PREX1: variants seen among roughly 807,000 people sequenced by gnomAD.
PREX1 encodes the protein phosphatidylinositol-3,4,5-trisphosphate dependent Rac exchange factor 1, also known as phosphatidylinositol 3,4,5-trisphosphate-dependent Rac exchanger 1 protein.
Under a neutral mutation model 198.3 loss-of-function variants are expected in PREX1, and 41 were observed. The ratio of observed to expected loss-of-function variants is 0.21; its 90% confidence interval spans 0.16 to 0.27. The LOEUF (loss-of-function observed/expected upper bound fraction) is 0.27. Ranked by LOEUF, PREX1 falls within the 10% of genes least tolerant of loss-of-function variation. PREX1 has a pLI of 1.00. For synonymous variants in PREX1, 843 were observed against 887.2 expected, an observed-to-expected ratio of 0.95 and a Z score of 0.89; for missense variants, 1,620 against 2,200.7, an observed-to-expected ratio of 0.74 and a Z score of 5.28.
At chr20:48,750,244 C>A (rs781652257) in intron 1 of PREX1, among the ~76,000 whole-genome samples, 2 of 152,152 alleles carry the variant, frequency 1.3e-5, no homozygotes, top group African/African-American at 2.4e-5. Context: ...CCAGTCCAAG[C>A]CATCATCATC....
intron 5 of PREX1, among the ~76,000 whole-genome samples, chr20:48,719,380 G>C (rs569706599): frequency 6.6e-6 from 1 of 152,184 alleles, no homozygotes; most frequent in African/African-American, 2.4e-5. Flanking sequence ...AGCACAGGCT[G>C]ACACAGGTTG....
At chr20:48,883,460 T>C in the PREX1 span, among the ~76,000 whole-genome samples, 1 of 152,088 alleles carries the variant, frequency 6.6e-6, no homozygotes. Flanking sequence ...AAAATTTTAT[T>C]CTACTTTCAG....
intron 1 of PREX1, among the ~76,000 whole-genome samples, chr20:48,804,781 T>G (rs1434403440): frequency 6.6e-6 from 1 of 152,084 alleles, no homozygotes; most frequent in Non-Finnish European, 1.5e-5. Context: ...TTGTCCAAGT[T>G]GGAGCTGACA....
chr20:48,787,979 G>C (rs549252640), intron 1 of PREX1, among the ~76,000 whole-genome samples: 21 of 152,330 alleles, frequency 1.4e-4, no homozygotes, highest in Non-Finnish European at 2.5e-4. Flanking sequence ...GAAAACTGCC[G>C]ATGTGGGAGC....
intron 23 of PREX1, among the ~76,000 whole-genome samples, chr20:48,650,563 G>A (rs1374558961): frequency 6.6e-6 from 1 of 152,238 alleles, no homozygotes; most frequent in Non-Finnish European, 1.5e-5. Context: ...AGTGACCTAA[G>A]CCAAGCCAAC....
intron 20 of PREX1, 91 bp downstream of exon 20, chr20:48,653,270 G>A: frequency 6.5e-7 from 1 of 1,533,498 alleles, no homozygotes; most frequent in Non-Finnish European, 8.8e-7. Flanking sequence ...AGTGGTACAT[G>A]CAGGCTTTTC....
At chr20:48,887,771 C>T in the PREX1 span, among the ~76,000 whole-genome samples, 1 of 152,176 alleles carries the variant, frequency 6.6e-6, no homozygotes. Context: ...ACAGCGAAAC[C>T]CCGTCTCTAC....
chr20:48,690,547 C>T (rs940011352), intron 9 of PREX1, among the ~76,000 whole-genome samples: 3 of 151,868 alleles, frequency 2.0e-5, no homozygotes, highest in Non-Finnish European at 2.9e-5. Flanking sequence ...TTCGGGGGTG[C>T]CTGTGCCCAG....
intron 1 of PREX1, among the ~76,000 whole-genome samples, chr20:48,796,349 G>A (rs1188061358): frequency 6.6e-6 from 1 of 150,378 alleles, no homozygotes; most frequent in East Asian, 1.9e-4. Flanking sequence ...ATTCTATACA[G>A]CTATCATTTT....
chr20:48,721,721 G>A (rs2089986820), intron 5 of PREX1, among the ~76,000 whole-genome samples: 1 of 152,198 alleles, frequency 6.6e-6, no homozygotes, highest in Admixed American at 6.5e-5. Context: ...GCTGAGCTGG[G>A]AGCAGCCTGC....
chr20:48,799,717 G>A (rs574145679), intron 1 of PREX1, among the ~76,000 whole-genome samples: 3 of 152,264 alleles, frequency 2.0e-5, no homozygotes, highest in Non-Finnish European at 4.4e-5. Flanking sequence ...TGTCCTGCAG[G>A]CAAGCGGGCC....
At chr20:48,714,109 G>A (rs1287230806) in intron 5 of PREX1, among the ~76,000 whole-genome samples, 1 of 152,122 alleles carries the variant, frequency 6.6e-6, no homozygotes, top group Non-Finnish European at 1.5e-5. Flanking sequence ...AGACCTAAAT[G>A]TAAGAACTAA....
At chr20:48,804,610 G>GA (rs766273310) in intron 1 of PREX1, among the ~76,000 whole-genome samples, 9 of 152,186 alleles carry the variant, frequency 5.9e-5, no homozygotes, top group Admixed American at 6.5e-5. Context: ...CAGATAGGAC[G>GA]AATGTGACCT....
intron 21 of PREX1, 80 bp downstream of exon 21, chr20:48,652,506 G>A: frequency 6.8e-7 from 1 of 1,476,194 alleles, no homozygotes; most frequent in South Asian, 1.4e-5. Flanking sequence ...GGGAGGGGAG[G>A]GGACAACAGG....
upstream of PREX1, among the ~76,000 whole-genome samples, chr20:48,828,224 C>T (rs1416177282): frequency 6.6e-6 from 1 of 151,290 alleles, no homozygotes; most frequent in Non-Finnish European, 1.5e-5. Flanking sequence ...GCTCGGGGGT[C>T]GGGCGGGAGC....
chr20:48,629,422 A>G, intron 37 of PREX1, 27 bp downstream of exon 37: 1 of 1,606,122 alleles, frequency 6.2e-7, no homozygotes, highest in Non-Finnish European at 8.5e-7. Context: ...CCCTCCCCAC[A>G]CCCCGACTCA....
chr20:48,708,481 C>G, intron 5 of PREX1, 60 bp from the exon 6 acceptor site: 1 of 1,557,960 alleles, frequency 6.4e-7, no homozygotes. Context: ...AGAGGAGACC[C>G]AGGCCAGAGC....
chr20:48,641,663 G>A (rs1031721684), intron 29 of PREX1, among the ~76,000 whole-genome samples: 4 of 151,768 alleles, frequency 2.6e-5, no homozygotes, highest in African/African-American at 9.7e-5. Flanking sequence ...GAAGTGGCGT[G>A]CACCTGTAGT....
chr20:48,653,541 C>T (rs1032724459), intron 19 of PREX1, 44 bp from the exon 20 acceptor site: 3 of 1,582,330 alleles, frequency 1.9e-6, no homozygotes, highest in African/African-American at 1.3e-5. Flanking sequence ...CAGGCAAGTA[C>T]AAGCAGCCCG....
Sources: allele counts gnomAD v4.1 joint callset (sites outside exome capture counted in the v4.1 genomes callset), GRCh38; gene constraint gnomAD v4.1.1; transcripts MANE v1.5; gene names NCBI Gene and HGNC (gene_info 2026-07-23, HGNC 2026-07-21).